The following VPS13C variants were observed in gnomAD, a reference collection of about 807,000 sequenced individuals.
VPS13C encodes intermembrane lipid transfer protein VPS13C.
In VPS13C, 358 loss-of-function variants were observed where a neutral mutation model predicts 456.8. That is an observed-to-expected ratio of 0.78 (90% CI 0.72 to 0.86). VPS13C has a LOEUF of 0.86. Among genes scored for constraint, VPS13C ranks in the 40% least tolerant of loss-of-function variants. The pLI, the probability that VPS13C is intolerant of heterozygous loss-of-function variation, is 0.00. For synonymous variants in VPS13C, 1,578 were observed against 1,486.7 expected (o/e 1.06, Z -1.41); for missense variants, 4,818 against 4,385.4 (o/e 1.10, Z -2.79).
intron 27 of VPS13C, among the ~76,000 whole-genome samples, chr15:61,971,829 T>C (rs1422322748): frequency 1.3e-5 from 2 of 152,210 alleles, no homozygotes; most frequent in Non-Finnish European, 2.9e-5. Flanking sequence ...TCTAAACAAA[T>C]ACCAATAGTA....
intron 13 of VPS13C, among the ~76,000 whole-genome samples, chr15:62,009,361 T>G (rs1441642372): frequency 6.7e-6 from 1 of 149,074 alleles, no homozygotes; most frequent in Non-Finnish European, 1.5e-5. Context: ...GCAGAGAAGA[T>G]TAAAAAAAAA....
At chr15:61,967,508 A>T (rs1178654962) in intron 28 of VPS13C, 61 bp from the exon 29 acceptor site, 1 of 1,324,094 alleles carries the variant, frequency 7.6e-7, no homozygotes, top group Non-Finnish European at 1.1e-6. Flanking sequence ...GTAATTTGAA[A>T]CATTTTAGAT....
rs1253565281 is a variant in VPS13C, at chr15:61,950,377, C to T, written c.4577G>A (p.Ser1526Asn). Residue 1526 changes from serine (S) to asparagine (N), a missense_variant, in exon 41 of 85, where the codon AGT becomes AAT. Ser to Asn is a conservative substitution (Grantham distance 46). Transcript: ENST00000644861. Reference sequence around the variant, plus strand: ...TTTTACCTTCAGTCTCTGTTTGGTACTGTCATGAATAGTTTTAAATTCTGG... The same window carrying T: ...TTTTACCTTCAGTCTCTGTTTGGTATTGTCATGAATAGTTTTAAATTCTGG... ...DGPEFKTIHD[S>N]TKQRLKVSFA... 1.1e-5 allele frequency: 17 copies of T among 1,612,098 alleles called. No homozygotes were observed. Among genetic ancestry groups the T allele is most frequent in the Admixed American group, 1.7e-5 (1 of 59,944 alleles).
At chr15:61,969,703 T>C (rs1024050699) in intron 27 of VPS13C, among the ~76,000 whole-genome samples, 9 of 152,148 alleles carry the variant, frequency 5.9e-5, no homozygotes, top group African/African-American at 1.7e-4. Flanking sequence ...TTTAGTAAAA[T>C]AGGAATGTAT....
At position 62,013,063 on chromosome 15, in the gene VPS13C, G is replaced by A; in HGVS notation, c.801C>T (p.Tyr267=). 6.2e-7 allele frequency: 1 copy of A among 1,610,604 alleles called. No homozygotes were observed. Among genetic ancestry groups the A allele is most frequent in the Non-Finnish European group, 8.5e-7 (1 of 1,178,182 alleles). Residue 267 remains tyrosine, a synonymous_variant, in exon 11 of 85, where the codon TAC becomes TAT. Transcript: ENST00000644861. ...CCAAAATCTGTTCCCTTGATCTCTG[G>A]TAAGACATGCTGCAATTTACATTCC... is the stretch of plus-strand genomic sequence containing the variant. ...AYWNVNCSMS[Y]QRSREQILDQ...
rs146300915 is a variant in VPS13C at position 61,907,389 on chromosome 15, C to A, written c.8980G>T (p.Gly2994Trp). ...PWDILTYKQS[G>W]SPEEMVLLPR... Reference sequence around the variant, plus strand: ...AGCAAGACCATTTCTTCTGGTGACCCACTAAAACACAATGAACAGAGAGAA... The same window carrying A: ...AGCAAGACCATTTCTTCTGGTGACCAACTAAAACACAATGAACAGAGAGAA... The change falls in exon 66 of 85, where the codon GGG becomes TGG. Residue 2994 changes from glycine (G) to tryptophan (W), a missense_variant and splice_region_variant. Physicochemically the swap from Gly to Trp is radical, Grantham distance 184 (BLOSUM62 -2). Around this residue, in one of 3 missense-constraint regions of VPS13C, gnomAD observed 4,552 missense variants for 4,130.6 expected, o/e 1.10. Transcript: ENST00000644861. 8.3e-5 allele frequency: 134 copies of A among 1,613,268 alleles called. No individual in the cohort carries two copies. The highest frequency in any genetic ancestry group is 1.0e-4 in the Non-Finnish European group (122 of 1,179,608).
intron 18 of VPS13C, 89 bp downstream of exon 18, chr15:61,990,911 T>C (rs2140419780): frequency 1.2e-6 from 1 of 846,342 alleles, no homozygotes; most frequent in Non-Finnish European, 1.9e-6. Context: ...ATAACATTTA[T>C]ATTACTTAAA....
chr15:61,950,846 T>G (rs577222783), intron 40 of VPS13C, 99 bp downstream of exon 40: 4 of 817,496 alleles, frequency 4.9e-6, no homozygotes, highest in South Asian at 4.8e-5. Flanking sequence ...TAAGTTTAGG[T>G]AGAAAAATGT....
intron 66 of VPS13C, among the ~76,000 whole-genome samples, chr15:61,902,992 G>A (rs565799560): frequency 2.0e-5 from 3 of 151,526 alleles, no homozygotes; most frequent in Admixed American, 6.6e-5. Flanking sequence ...CTGTTAAAAC[G>A]GATAAATTTG....
chr15:61,867,271 A>G lies in VPS13C; in HGVS notation c.10863+1388T>C. ...AAAAGCAGAAATGCTAAAGGCTGAA[A>G]ATGTATATAACATAATTATAAAATG... On this transcript the variant is annotated intron_variant, in intron 81 of 84. Coordinates refer to ENST00000644861, the MANE Select transcript of VPS13C (RefSeq NM_020821.3). The surrounding 1 kb of genome is among the most constrained non-coding windows in gnomAD (Gnocchi z 5.0). 1 of 984,466 alleles carries G rather than the reference A, an allele frequency of 1.0e-6. No individual in the cohort carries two copies. The highest frequency in any genetic ancestry group is 1.7e-5 in the African/African-American group (1 of 57,336). The allele number at this position is 984,466 out of a possible 1,614,324, so 61.0% of individuals were successfully genotyped here. A position where few individuals can be genotyped will look rare whatever the true frequency, so the allele number is the denominator to read the frequency against.
intron 67 of VPS13C, among the ~76,000 whole-genome samples, chr15:61,889,329 T>C (rs1462253866): frequency 2.0e-5 from 3 of 152,100 alleles, no homozygotes. Context: ...TATAAATATA[T>C]TAACATTATA....
intron 47 of VPS13C, among the ~76,000 whole-genome samples, chr15:61,937,288 G>GT (rs1474333743): frequency 1.3e-5 from 2 of 152,146 alleles, no homozygotes; most frequent in African/African-American, 2.4e-5. Flanking sequence ...AATAACAAAT[G>GT]TATCTACAAA....
At chr15:61,958,587 C>T in intron 37 of VPS13C, 21 bp downstream of exon 37, 1 of 1,319,520 alleles carries the variant, frequency 7.6e-7, no homozygotes, top group Non-Finnish European at 1.1e-6. Flanking sequence ...TGTATATTGC[C>T]ACTTACTGTC....
intron 22 of VPS13C, 23 bp from the exon 23 acceptor site, chr15:61,978,772 A>ATTT: frequency 6.4e-7 from 1 of 1,551,384 alleles, no homozygotes; most frequent in Non-Finnish European, 8.7e-7. Flanking sequence ...ACAAATTTCA[A>ATTT]TTTTTTTTTC....
At chr15:62,005,693 A>AT (rs1321655493) in intron 15 of VPS13C, among the ~76,000 whole-genome samples, 1 of 148,824 alleles carries the variant, frequency 6.7e-6, no homozygotes, top group East Asian at 2.0e-4. Context: ...TATTTTTTTT[A>AT]TTTTTTATTT....
intron 46 of VPS13C, 27 bp from the exon 47 acceptor site, chr15:61,940,821 T>G: frequency 6.3e-7 from 1 of 1,595,536 alleles, no homozygotes; most frequent in Non-Finnish European, 8.5e-7. Context: ...AATTTATTTT[T>G]TACTTCAAAT....
At chr15:61,969,008 C>T (rs766706022) in intron 28 of VPS13C, among the ~76,000 whole-genome samples, 3 of 152,034 alleles carry the variant, frequency 2.0e-5, no homozygotes, top group Admixed American at 6.6e-5. Context: ...GACCCTAGGG[C>T]CACATTTCCA....
chr15:61,977,555 G>C (rs1483517628), intron 23 of VPS13C, among the ~76,000 whole-genome samples: 1 of 151,834 alleles, frequency 6.6e-6, no homozygotes, highest in Non-Finnish European at 1.5e-5. Flanking sequence ...AGTGAAAAGA[G>C]GAGGAAAAAC....
Position 61,950,358 on chromosome 15 carries a change from C to T in VPS13C, c.4596G>A (p.Lys1532=). 1 of 1,609,714 alleles carries T rather than the reference C, an allele frequency of 6.2e-7. No homozygotes were observed. The highest frequency in any genetic ancestry group is 8.5e-7 in the Non-Finnish European group (1 of 1,176,728). ...TTATAGCAAATTATAAAAGTTTTAC[C>T]TTCAGTCTCTGTTTGGTACTGTCAT... ...TIHDSTKQRL[K]VSFASLDLVL... Residue 1532 remains lysine (K), a splice_region_variant and synonymous_variant, in exon 41 of 85, where the codon AAG becomes AAA. Transcript: ENST00000644861.
Sources: gnomAD v4.1 joint callset for allele counts (sites outside exome capture counted in the v4.1 genomes callset) on GRCh38, gnomAD v4.1.1 for gene constraint, gnomAD v4.1.1 regional missense constraint, Gnocchi (gnomAD v3.1) non-coding constraint, MANE v1.5 for transcripts, NCBI Gene and HGNC (gene_info 2026-07-23, HGNC 2026-07-21) for gene names.